The following ENOX2 variants were observed in gnomAD, a reference collection of about 807,000 sequenced individuals.
ENOX2 encodes APK1 antigen.
ENOX2 carries 36 observed loss-of-function variants against 45.0 expected under a neutral mutation model. The ratio of observed to expected loss-of-function variants is 0.80; its 90% CI spans 0.61 to 1.06. The LOEUF (loss-of-function observed/expected upper bound fraction) is 1.06, where lower values mean the gene tolerates loss of function less well. Among genes scored for constraint, ENOX2 ranks in the 50% least tolerant of loss-of-function variants. The pLI, the probability that ENOX2 is intolerant of heterozygous loss-of-function variation, is 0.00. For missense variants in ENOX2, 423 were observed against 462.5 expected, an observed-to-expected ratio of 0.91 and a Z score of 0.78; for synonymous variants, 174 against 152.3, an observed-to-expected ratio of 1.14 and a Z score of -1.05.
At chrX:130,693,873 T>A (rs1347491558) in intron 4 of ENOX2, among the ~76,000 whole-genome samples, 1 of 111,726 alleles carries the variant, frequency 9.0e-6, no homozygotes, top group African/African-American at 3.3e-5. Context: ...TCTAGAAATG[T>A]GTGATACAGG....
Position 130,634,983 on chromosome X carries a change from C to A in ENOX2, c.1419+1G>T, listed in dbSNP as rs761717254. On this transcript the variant is annotated splice_donor_variant, in intron 12 of 14. Transcript: ENST00000394363. LOFTEE classifies it high-confidence loss of function. ...AAAAGGTTCACTTAGGGTGCATGTA[C>A]CTTTTCTTTAAGATTTTCCAACATT... The A allele has an allele frequency of 1.8e-6, 2 of 1,096,667 alleles. No homozygotes were observed. Among genetic ancestry groups the A allele is most frequent in the Admixed American group, 4.5e-5 (2 of 44,449 alleles). The allele number at this position is 1,096,667 out of a possible 1,213,427, so 90.4% of individuals were successfully genotyped here. A position where few individuals can be genotyped will look rare whatever the true frequency, so the allele number is the denominator to read the frequency against.
intron 14 of ENOX2, among the ~76,000 whole-genome samples, chrX:130,627,563 AGAGT>A (rs2035580003): frequency 9.0e-6 from 1 of 111,697 alleles, no homozygotes; most frequent in Non-Finnish European, 1.9e-5. Context: ...CCTGGGCAAC[AGAGT>A]GAGACCCTGT....
intron 13 of ENOX2, 142 bp downstream of exon 13, chrX:130,631,326 C>G: frequency 2.2e-6 from 1 of 463,813 alleles, no homozygotes; most frequent in Non-Finnish European, 3.8e-6. Context: ...TTGTTCTTAA[C>G]CTATCATCTT....
At chrX:130,757,652 T>C (rs2039383505) in intron 3 of ENOX2, among the ~76,000 whole-genome samples, 1 of 111,935 alleles carries the variant, frequency 8.9e-6, no homozygotes, top group Admixed American at 9.5e-5. Flanking sequence ...TGTCTTAATA[T>C]TTTCTTTTTA....
intron 2 of ENOX2, among the ~76,000 whole-genome samples, chrX:130,861,392 TACAC>T (rs368325964): frequency 9.1e-6 from 1 of 109,692 alleles, no homozygotes; most frequent in Non-Finnish European, 1.9e-5. Context: ...GTGGTGTACA[TACAC>T]ACACACACAC....
At chrX:130,880,143 T>C (rs2078783487) in intron 2 of ENOX2, among the ~76,000 whole-genome samples, 1 of 110,998 alleles carries the variant, frequency 9.0e-6, no homozygotes. Context: ...CTGCTGTCCA[T>C]TAAAAACAGA....
chrX:130,830,372 A>G (rs1001864443), intron 2 of ENOX2, among the ~76,000 whole-genome samples: 2 of 111,279 alleles, frequency 1.8e-5, no homozygotes, highest in African/African-American at 3.3e-5. Flanking sequence ...GTTATCTTCA[A>G]TCCTCCTATA....
intron 2 of ENOX2, among the ~76,000 whole-genome samples, chrX:130,841,401 A>C (rs2078012037): frequency 8.9e-6 from 1 of 112,040 alleles, no homozygotes. Context: ...GATATTTCCA[A>C]AGGTCATAAG....
intron 3 of ENOX2, among the ~76,000 whole-genome samples, chrX:130,731,522 G>A (rs901192374): frequency 4.5e-5 from 5 of 111,921 alleles, no homozygotes; most frequent in African/African-American, 1.3e-4. Context: ...TTGGGAAAAG[G>A]AGGAGGAGAA....
intron 2 of ENOX2, among the ~76,000 whole-genome samples, chrX:130,821,742 TAAAAAAAAAAAAA>T: frequency 8.6e-5 from 2 of 23,187 alleles, no homozygotes; most frequent in Non-Finnish European, 1.5e-4. Context: ...ATAAATAAAT[TAAAAAAAAAAAAA>T]AAAAAAAAAA....
At chrX:130,765,379 T>A (rs1027639747) in intron 3 of ENOX2, among the ~76,000 whole-genome samples, 1 of 111,620 alleles carries the variant, frequency 9.0e-6, no homozygotes, top group African/African-American at 3.2e-5. Flanking sequence ...ATCCACTTGC[T>A]TTTCTTTTTA....
intron 2 of ENOX2, among the ~76,000 whole-genome samples, chrX:130,791,938 C>T (rs1361224277): frequency 1.8e-5 from 2 of 112,385 alleles, no homozygotes; most frequent in Admixed American, 9.4e-5. Context: ...CTATGTACAT[C>T]AGGTTACATG....
intron 2 of ENOX2, among the ~76,000 whole-genome samples, chrX:130,790,185 A>T (rs2077022344): frequency 1.8e-5 from 2 of 112,621 alleles, no homozygotes; most frequent in Admixed American, 1.9e-4. Context: ...AGTGAGAAAG[A>T]AAACGGAAAA....
At chrX:130,842,854 C>T (rs190395220) in intron 2 of ENOX2, among the ~76,000 whole-genome samples, 22 of 111,373 alleles carry the variant, frequency 2.0e-4, no homozygotes, top group Middle Eastern at 4.6e-3. Context: ...ATCAGGGACT[C>T]TTAATCTGTA....
At chrX:130,820,487 T>C (rs1176793480) in intron 2 of ENOX2, among the ~76,000 whole-genome samples, 1 of 112,072 alleles carries the variant, frequency 8.9e-6, no homozygotes, top group Admixed American at 9.4e-5. Flanking sequence ...ATAAATTCAG[T>C]ATGTCCAAAC....
intron 3 of ENOX2, among the ~76,000 whole-genome samples, chrX:130,766,718 C>T (rs1031915281): frequency 1.8e-5 from 2 of 111,718 alleles, no homozygotes; most frequent in African/African-American, 3.2e-5. Flanking sequence ...TGACATGCTA[C>T]CTCTGTCACA....
At chrX:130,753,373 T>C (rs1242939854) in intron 3 of ENOX2, among the ~76,000 whole-genome samples, 1 of 111,165 alleles carries the variant, frequency 9.0e-6, no homozygotes, top group African/African-American at 3.3e-5. Flanking sequence ...TCTTTGTCTG[T>C]CCATCTCTCT....
At position 130,705,343 on chromosome X, in the gene ENOX2, C is replaced by G. The variant is rs760406865; in HGVS notation, c.-38-2089G>C. Among the ~76,000 whole-genome samples the G allele has an allele frequency of 1.7e-4, 19 of 112,076 alleles. No homozygotes were observed. The South Asian group carries it at 7.2e-3, about 42-fold the overall frequency. ...AGAATGAGAATTTATAATATATTAA[C>G]CTAGCCAAACTCTGGACTAATTAGG... On this transcript the variant is annotated intron_variant, in intron 3 of 14. Coordinates refer to ENST00000394363, the MANE Select transcript of ENOX2 (RefSeq NM_006375.4).
intron 3 of ENOX2, among the ~76,000 whole-genome samples, chrX:130,744,057 C>T (rs1416441892): frequency 8.9e-6 from 1 of 111,937 alleles, no homozygotes; most frequent in East Asian, 2.8e-4. Flanking sequence ...GTTGACATAT[C>T]ATTTCATGGA....
Sources: allele counts gnomAD v4.1 joint callset (sites outside exome capture counted in the v4.1 genomes callset), GRCh38; gene constraint gnomAD v4.1.1; transcripts MANE v1.5; gene names NCBI Gene and HGNC (gene_info 2026-07-23, HGNC 2026-07-21).